HORMAD2: variants seen among roughly 807,000 people sequenced by gnomAD.
HORMAD2 encodes HORMA domain containing 2.
In HORMAD2, 45 loss-of-function variants were observed where a neutral mutation model predicts 38.8. The ratio of observed to expected loss-of-function variants is 1.16; its 90% CI spans 0.91 to 1.49. HORMAD2 has a LOEUF of 1.49. Ranked by LOEUF, HORMAD2 falls within the 40% of genes most tolerant of loss-of-function variation. The pLI, the probability that HORMAD2 is intolerant of heterozygous loss-of-function variation, is 0.00. For missense variants in HORMAD2, 338 were observed against 367.0 expected (o/e 0.92, Z 0.65); for synonymous variants, 126 against 122.8 (o/e 1.03, Z -0.17).
At chr22:30,079,718 C>T (rs190103851), upstream of HORMAD2, among the ~76,000 whole-genome samples, 28 of 150,636 alleles carry the variant, frequency 1.9e-4, no homozygotes, top group African/African-American at 6.6e-4. Context: ...CTCGCTCTGT[C>T]GCCCAGGCTG....
chr22:30,086,025 C>T (rs1262194835), intron 1 of HORMAD2, among the ~76,000 whole-genome samples: 2 of 152,178 alleles, frequency 1.3e-5, no homozygotes, highest in African/African-American at 2.4e-5. Flanking sequence ...TTGTAATCCC[C>T]AGTGTTGGAG....
intron 10 of HORMAD2, among the ~76,000 whole-genome samples, chr22:30,172,401 T>C (rs1025325074): frequency 6.6e-6 from 1 of 152,234 alleles, no homozygotes; most frequent in Non-Finnish European, 1.5e-5. Context: ...AATTGTGTAC[T>C]TAATGTCTCT....
intron 10 of HORMAD2, among the ~76,000 whole-genome samples, chr22:30,167,395 T>G (rs1052762930): frequency 7.9e-5 from 12 of 152,214 alleles, no homozygotes; most frequent in Non-Finnish European, 1.5e-5. Context: ...GGGGCTCATT[T>G]TTTAGTGTAC....
chr22:30,090,086 G>T (rs2068655241), intron 1 of HORMAD2, among the ~76,000 whole-genome samples: 3 of 152,154 alleles, frequency 2.0e-5, no homozygotes, highest in Non-Finnish European at 4.4e-5. Flanking sequence ...ATAGGGGTCG[G>T]GTGTGGTGGC....
In HORMAD2 at chr22:30,113,672, C is replaced by CTT. The variant is rs112986228; in HGVS notation, c.342+1152_342+1153dup. Among the ~76,000 whole-genome samples the CTT allele has an allele frequency of 6.7e-3, 1,017 of 152,332 alleles. 12 individuals are homozygous for CTT. Among genetic ancestry groups the CTT allele is most frequent in the African/African-American group, 0.023 (944 of 41,570 alleles). ...TTCTGTTCTCTTCTCACTTTACTCT[C>CTT]TTTGTCTTTCTCCTAGCTTTCTTTC... On this transcript the variant is annotated intron_variant, in intron 7 of 10. Coordinates refer to ENST00000336726, the MANE Select transcript of HORMAD2 (RefSeq NM_152510.4).
intron 2 of HORMAD2, among the ~76,000 whole-genome samples, chr22:30,096,292 A>G (rs1220836908): frequency 6.6e-6 from 1 of 152,176 alleles, no homozygotes; most frequent in East Asian, 1.9e-4. Flanking sequence ...TGTTGGATGT[A>G]TACCTATAAG....
intron 10 of HORMAD2, among the ~76,000 whole-genome samples, chr22:30,155,585 G>A (rs1440976004): frequency 6.6e-6 from 1 of 151,894 alleles, no homozygotes; most frequent in Non-Finnish European, 1.5e-5. Context: ...TGGTTTTTCA[G>A]TGGTTCCTTC....
intron 10 of HORMAD2, 73 bp downstream of exon 10, chr22:30,122,287 G>A (rs1004134984): frequency 3.5e-6 from 5 of 1,411,140 alleles, no homozygotes; most frequent in South Asian, 1.4e-5. Context: ...TCTACCCAGG[G>A]CATGCACGTG....
intron 8 of HORMAD2, among the ~76,000 whole-genome samples, chr22:30,121,407 A>T (rs1203157029): frequency 6.6e-6 from 1 of 152,178 alleles, no homozygotes; most frequent in Non-Finnish European, 1.5e-5. Flanking sequence ...TCAAATTTTT[A>T]AAAAGATCGT....
downstream of HORMAD2, among the ~76,000 whole-genome samples, chr22:30,181,895 C>T (rs953359557): frequency 1.3e-5 from 2 of 152,156 alleles, no homozygotes; most frequent in Non-Finnish European, 2.9e-5. Flanking sequence ...TCCTTATCAC[C>T]GGAAGTGTTC....
intron 1 of HORMAD2, among the ~76,000 whole-genome samples, chr22:30,086,571 G>A (rs1001451222): frequency 1.3e-5 from 2 of 152,194 alleles, no homozygotes; most frequent in Non-Finnish European, 2.9e-5. Context: ...CCTGAGAGTA[G>A]TGGGGAGCCA....
At chr22:30,140,162 G>A (rs1029374364) in intron 10 of HORMAD2, among the ~76,000 whole-genome samples, 3 of 152,126 alleles carry the variant, frequency 2.0e-5, no homozygotes, top group Non-Finnish European at 2.9e-5. Flanking sequence ...TACTTGGGGG[G>A]CTGAGGCACA....
Position 30,162,318 on chromosome 22 carries a change from T to TACACAC in HORMAD2, c.820-13718_820-13713dup, listed in dbSNP as rs71198531. 2.2e-3 allele frequency among the ~76,000 whole-genome samples: 321 copies of TACACAC among 148,068 alleles called. 1 individual carries two copies. Among genetic ancestry groups the TACACAC allele is most frequent in the South Asian group, 0.014 (65 of 4,688 alleles). On this transcript the variant is annotated intron_variant, in intron 10 of 10. Coordinates refer to ENST00000336726, the MANE Select transcript of HORMAD2 (RefSeq NM_152510.4). ...GACAGAGTGAGACCCCGTCTCAAAA[T>TACACAC]ACACACACACACACACACACACACA...
chr22:30,129,969 A>C (rs1235739478), intron 10 of HORMAD2, among the ~76,000 whole-genome samples: 2 of 152,210 alleles, frequency 1.3e-5, no homozygotes, highest in Non-Finnish European at 2.9e-5. Flanking sequence ...CCTGTATCCT[A>C]CATGGCTTTG....
intron 1 of HORMAD2, among the ~76,000 whole-genome samples, chr22:30,084,511 A>T: frequency 6.6e-6 from 1 of 152,216 alleles, no homozygotes; most frequent in East Asian, 1.9e-4. Context: ...TAGCAATGAT[A>T]TTTAAAGTTT....
intron 1 of HORMAD2, among the ~76,000 whole-genome samples, chr22:30,091,254 CTCTCTTTCTTTCTT>C (rs1231194850): frequency 5.9e-4 from 82 of 139,532 alleles, no homozygotes; most frequent in African/African-American, 2.2e-3. Context: ...CTCTTTCTTT[CTCTCTTTCTTTCTT>C]TTTTTTTTTT....
intron 10 of HORMAD2, among the ~76,000 whole-genome samples, chr22:30,124,256 A>AACACACACACACAC (rs10616156): frequency 1.2e-4 from 18 of 146,586 alleles, no homozygotes; most frequent in South Asian, 4.4e-4. Context: ...GAATACATGG[A>AACACACACACACAC]ACACACACAC....
At chr22:30,121,004 A>G (rs1404104407) in intron 8 of HORMAD2, among the ~76,000 whole-genome samples, 1 of 152,220 alleles carries the variant, frequency 6.6e-6, no homozygotes, top group Non-Finnish European at 1.5e-5. Flanking sequence ...ATATAATAGA[A>G]GAATTCTAAG....
upstream of HORMAD2, among the ~76,000 whole-genome samples, chr22:30,079,696 T>C (rs1410999582): frequency 1.3e-5 from 2 of 151,842 alleles, no homozygotes; most frequent in African/African-American, 4.8e-5. Flanking sequence ...TAAAATTTTT[T>C]TGAGACGGAG....
Sources: gnomAD v4.1 joint callset for allele counts (sites outside exome capture counted in the v4.1 genomes callset) on GRCh38, gnomAD v4.1.1 for gene constraint, MANE v1.5 for transcripts, NCBI Gene and HGNC (gene_info 2026-07-23, HGNC 2026-07-21) for gene names.